Variants in GTF2F2 observed in about 807,000 individuals in gnomAD.
The protein encoded by GTF2F2 is ATP-dependent helicase GTF2F2.
GTF2F2 carries 23 observed loss-of-function variants against 42.2 expected under a neutral mutation model. The observed-to-expected ratio is 0.55, with a 90% CI of 0.39 to 0.77. The LOEUF (loss-of-function observed/expected upper bound fraction) is 0.77. GTF2F2 is among the 30% of genes least tolerant of loss of function. The probability of loss-of-function intolerance (pLI) is 0.00; values close to 1 mark genes in which losing one functional copy is unlikely to be tolerated. For missense variants in GTF2F2, 261 were observed against 287.2 expected, an observed-to-expected ratio of 0.91 and a Z score of 0.66; for synonymous variants, 105 against 100.8, an observed-to-expected ratio of 1.04 and a Z score of -0.25.
intron 1 of GTF2F2, among the ~76,000 whole-genome samples, chr13:45,120,983 G>T (rs894048603): frequency 6.6e-6 from 1 of 152,180 alleles, no homozygotes; most frequent in African/African-American, 2.4e-5. Context: ...CTGGAATCTT[G>T]TCTTGGTGTC....
In GTF2F2 at chr13:45,132,433, GT is replaced by G. The variant is rs112267600; in HGVS notation, c.67-4288del. Among the ~76,000 whole-genome samples the G allele has an allele frequency of 6.3e-4, 91 of 143,620 alleles. 1 individual carries two copies. The East Asian group carries it at 8.7e-3, about 14-fold the overall frequency. The allele number at this position is 143,620 out of a possible 152,430, so 94.2% of individuals were successfully genotyped here. On this transcript the variant is annotated intron_variant, in intron 1 of 7. Transcript: ENST00000340473. ...CTCTTGGCTAAAGCTTGTCATTAGT[GT>G]TTTTTTTTTTTGGTTTGTTTTGTTT... is the stretch of plus-strand genomic sequence containing the variant.
At chr13:45,164,039 A>G (rs897593338) in intron 4 of GTF2F2, among the ~76,000 whole-genome samples, 3 of 152,132 alleles carry the variant, frequency 2.0e-5, no homozygotes, top group Admixed American at 1.3e-4. Context: ...CTATAATCCC[A>G]GCTCCTCAGC....
At chr13:45,252,657 A>G (rs1875926728) in intron 5 of GTF2F2, among the ~76,000 whole-genome samples, 1 of 152,174 alleles carries the variant, frequency 6.6e-6, no homozygotes, top group African/African-American at 2.4e-5. Context: ...TTGTGGCATT[A>G]TAATGAGTTA....
At chr13:45,280,195 G>C (rs889574974) in intron 7 of GTF2F2, among the ~76,000 whole-genome samples, 6 of 152,220 alleles carry the variant, frequency 3.9e-5, no homozygotes, top group Non-Finnish European at 8.8e-5. Flanking sequence ...GGAAGCATGC[G>C]TGAGGGGGAG....
intron 4 of GTF2F2, among the ~76,000 whole-genome samples, chr13:45,198,692 C>T (rs1298940975): frequency 6.6e-6 from 1 of 152,080 alleles, no homozygotes; most frequent in East Asian, 1.9e-4. Flanking sequence ...CTTGGACTTG[C>T]CCACATTTTT....
Position 45,168,145 on chromosome 13 carries a change from A to G in GTF2F2, c.304+16314A>G, listed in dbSNP as rs1026752519. 9.8e-5 allele frequency among the ~76,000 whole-genome samples: 15 copies of G among 152,350 alleles called. No homozygotes were observed. The East Asian group carries it at 2.9e-3, about 29-fold the overall frequency. On this transcript the variant is annotated intron_variant, in intron 4 of 7. Coordinates refer to ENST00000340473, the MANE Select transcript of GTF2F2 (RefSeq NM_004128.3). ...TCTCAACCCCTTTTCTGCTGCTTCT[A>G]GGTGAAGGCTGATGTGTCTTTACAT... is the stretch of plus-strand genomic sequence containing the variant.
In GTF2F2 at chr13:45,228,669, CTTTTTT is replaced by C. The variant is rs57570023; in HGVS notation, c.386+21177_386+21182del. Among the ~76,000 whole-genome samples, 1,025 of 108,322 alleles carry C rather than the reference CTTTTTT, an allele frequency of 9.5e-3. 43 individuals carry two copies. The highest frequency in any genetic ancestry group is 0.046 in the African/African-American group (965 of 21,008). 71.1% of individuals were successfully genotyped at this position (108,322 alleles called of 152,430 possible). Reference sequence around the variant, plus strand: ...TCTCCTTATTGCTGCCAGAGTTAATCTTTTTTTTTTTTTTTTTTGAGACGGAGTTTT... The same window carrying C: ...TCTCCTTATTGCTGCCAGAGTTAATCTTTTTTTTTTTTGAGACGGAGTTTT... On this transcript the variant is annotated intron_variant, in intron 5 of 7. Coordinates refer to ENST00000340473, the MANE Select transcript of GTF2F2 (RefSeq NM_004128.3).
chr13:45,241,101 C>T (rs1370788231), intron 5 of GTF2F2, among the ~76,000 whole-genome samples: 4 of 150,958 alleles, frequency 2.6e-5, no homozygotes, highest in Non-Finnish European at 4.4e-5. Flanking sequence ...TGCAGTGTGT[C>T]GTGATCATAC....
chr13:45,165,565 T>TCCCCCCCC (rs1224364842), intron 4 of GTF2F2, among the ~76,000 whole-genome samples: 2 of 137,714 alleles, frequency 1.5e-5, no homozygotes, highest in African/African-American at 6.4e-5. Context: ...TCCACTGCCC[T>TCCCCCCCC]CGCCCCCCCC....
intron 5 of GTF2F2, among the ~76,000 whole-genome samples, chr13:45,208,648 A>G (rs1412675909): frequency 6.6e-6 from 1 of 152,196 alleles, no homozygotes; most frequent in Non-Finnish European, 1.5e-5. Context: ...TCTCATCTAC[A>G]TAAGAGGCCA....
chr13:45,220,369 G>A (rs981179806), intron 5 of GTF2F2, among the ~76,000 whole-genome samples: 2 of 152,060 alleles, frequency 1.3e-5, no homozygotes, highest in Admixed American at 1.3e-4. Flanking sequence ...CAGATCTTAT[G>A]TTTCTTGGAA....
chr13:45,227,957 A>G (rs1273940287), intron 5 of GTF2F2, among the ~76,000 whole-genome samples: 2 of 152,138 alleles, frequency 1.3e-5, no homozygotes, highest in Non-Finnish European at 2.9e-5. Context: ...AAGGTGACAA[A>G]TCCTAGGAAT....
intron 5 of GTF2F2, among the ~76,000 whole-genome samples, chr13:45,235,041 C>CAAAAAAAAAAA (rs61077504): frequency 4.6e-5 from 2 of 43,704 alleles, no homozygotes; most frequent in Non-Finnish European, 8.3e-5. Flanking sequence ...GCGGGAAACT[C>CAAAAAAAAAAA]AAAAAAAAAA....
chr13:45,246,055 C>T (rs1326619532), intron 5 of GTF2F2, among the ~76,000 whole-genome samples: 5 of 150,182 alleles, frequency 3.3e-5, no homozygotes, highest in Non-Finnish European at 5.9e-5. Flanking sequence ...GTCGCCCAGG[C>T]TGGAATGCAG....
rs1593494264 is a variant in GTF2F2, at chr13:45,212,451, C to CTTTTCTTTTCT, written c.386+4949_386+4950insTCTTTTCTTTT. Reference sequence around the variant, plus strand: ...TTCTTTCTTTCTTTCTTTCTTGTTTCTTTCTTTCTTTCTTTCTTTCTTTCT... The same window carrying CTTTTCTTTTCT: ...TTCTTTCTTTCTTTCTTTCTTGTTTCTTTTCTTTTCTTTTCTTTCTTTCTTTCTTTCTTTCT... On this transcript the variant is annotated intron_variant, in intron 5 of 7. Transcript: ENST00000340473. 3.5e-4 allele frequency among the ~76,000 whole-genome samples: 25 copies of CTTTTCTTTTCT among 71,704 alleles called. No individual in the cohort carries two copies. In the East Asian group the frequency reaches 6.2e-3, roughly 18 times the overall value. 47.0% of individuals were successfully genotyped at this position (71,704 alleles called of 152,430 possible).
At chr13:45,269,991 C>T (rs1387012123) in intron 7 of GTF2F2, among the ~76,000 whole-genome samples, 1 of 152,066 alleles carries the variant, frequency 6.6e-6, no homozygotes, top group African/African-American at 2.4e-5. Context: ...ACCACCACAC[C>T]TGGCTAATTT....
chr13:45,207,930 G>A (rs551945353), intron 5 of GTF2F2, among the ~76,000 whole-genome samples: 9 of 152,244 alleles, frequency 5.9e-5, no homozygotes, highest in Non-Finnish European at 1.3e-4. Context: ...GCTGAGGTAG[G>A]TGGACCATTC....
Position 45,120,815 on chromosome 13 carries a change from C to T in GTF2F2, c.66+94C>T, listed in dbSNP as rs1216712248. 4.7e-6 allele frequency: 4 copies of T among 849,118 alleles called. No individual in the cohort carries two copies. The African/African-American group carries it at 5.1e-5, about 11-fold the overall frequency. 52.6% of individuals were successfully genotyped at this position (849,118 alleles called of 1,614,324 possible). On this transcript the variant is annotated intron_variant, in intron 1 of 7. Transcript: ENST00000340473. ...CCCGCTCCGTGCGCCTCTTAAAGTT[C>T]TTTTACGGCTATCTCGTTAGAGCTT...
intron 6 of GTF2F2, among the ~76,000 whole-genome samples, chr13:45,253,281 T>C (rs573714026): frequency 3.0e-4 from 46 of 152,186 alleles, no homozygotes; most frequent in Admixed American, 2.9e-3. Context: ...TGTTTTAAAT[T>C]ACAATGTACT....
Sources: allele counts gnomAD v4.1 joint callset (sites outside exome capture counted in the v4.1 genomes callset), GRCh38; gene constraint gnomAD v4.1.1; transcripts MANE v1.5; gene names NCBI Gene and HGNC (gene_info 2026-07-23, HGNC 2026-07-21).